The following BRF1 variants were observed in gnomAD, a reference collection of about 807,000 sequenced individuals.
The protein encoded by BRF1 is BRF1 general transcription factor IIIB subunit.
In BRF1, 59 loss-of-function variants were observed where a neutral mutation model predicts 81.7. The ratio of observed to expected loss-of-function variants is 0.72; its 90% confidence interval spans 0.59 to 0.90. BRF1 has a LOEUF of 0.90. Ranked by LOEUF, BRF1 falls within the 40% of genes least tolerant of loss-of-function variation. The pLI is 0.00. For synonymous variants in BRF1, 491 were observed against 395.6 expected (o/e 1.24, Z -2.86); for missense variants, 1,050 against 936.3 (o/e 1.12, Z -1.58).
chr14:105,299,878 A>G (rs1173701288), intron 1 of BRF1, among the ~76,000 whole-genome samples: 3 of 152,244 alleles, frequency 2.0e-5, no homozygotes, highest in African/African-American at 7.2e-5. Flanking sequence ...ATGAAAACGT[A>G]TGTTCACACA....
At chr14:105,220,181 G>A (rs758639896) in intron 11 of BRF1, 51 bp from the exon 12 acceptor site, 4 of 1,608,002 alleles carry the variant, frequency 2.5e-6, no homozygotes, top group East Asian at 2.2e-5. Context: ...CTGATTATAG[G>A]AGCGTGGCCA....
At chr14:105,255,380 G>A (rs1474427162) in intron 4 of BRF1, among the ~76,000 whole-genome samples, 2 of 152,246 alleles carry the variant, frequency 1.3e-5, no homozygotes. Flanking sequence ...AAAGACAGCT[G>A]GGAGGACAAG....
intron 1 of BRF1, among the ~76,000 whole-genome samples, chr14:105,297,797 C>A (rs2140554612): frequency 6.6e-6 from 1 of 152,062 alleles, no homozygotes; most frequent in African/African-American, 2.4e-5. Context: ...GAGATCGAAA[C>A]CATCCCGGCT....
At chr14:105,294,350 G>A (rs1052706072) in intron 1 of BRF1, among the ~76,000 whole-genome samples, 5 of 152,196 alleles carry the variant, frequency 3.3e-5, no homozygotes, top group East Asian at 1.9e-4. Flanking sequence ...GACAGCACCC[G>A]GGTGACAGAC....
intron 6 of BRF1, among the ~76,000 whole-genome samples, chr14:105,240,941 C>G (rs587775140): frequency 2.6e-5 from 4 of 152,314 alleles, no homozygotes; most frequent in African/African-American, 4.8e-5. Flanking sequence ...ACACCACTGT[C>G]CGCGTCAGAA....
chr14:105,226,415 G>T (rs1893101652), intron 8 of BRF1, 125 bp from the exon 9 acceptor site: 2 of 1,468,456 alleles, frequency 1.4e-6, no homozygotes, highest in Non-Finnish European at 1.9e-6. Flanking sequence ...AGCGATGGAG[G>T]TGGAGCTATG....
chr14:105,273,263 GC>G (rs2056737044), intron 2 of BRF1, among the ~76,000 whole-genome samples: 1 of 152,208 alleles, frequency 6.6e-6, no homozygotes, highest in Non-Finnish European at 1.5e-5. Flanking sequence ...CAGTGGGAAT[GC>G]CCCTTTTCCT....
chr14:105,227,969 C>G (rs368844490), intron 7 of BRF1: 3 of 152,242 alleles, frequency 2.0e-5, no homozygotes, highest in Admixed American at 2.0e-4. Flanking sequence ...TTGTCAAAGT[C>G]TATGAAACAG....
chr14:105,285,052 G>T lies in BRF1; in HGVS notation c.265+1244C>A, dbSNP rs143758797. ...AAATGGAAAGAAATCCTGTATTCAG[G>T]TATCAGAAGACTTTACACTGTTTAG... On this transcript the variant is annotated intron_variant, in intron 2 of 17. Coordinates refer to ENST00000547530, the MANE Select transcript of BRF1 (RefSeq NM_001519.4). Among the ~76,000 whole-genome samples, 433 of 152,276 alleles carry T rather than the reference G, an allele frequency of 2.8e-3. 3 individuals carry two copies. In the Middle Eastern group the frequency reaches 0.044, roughly 16 times the overall value.
At chr14:105,298,230 C>T (rs1482969455) in intron 1 of BRF1, among the ~76,000 whole-genome samples, 1 of 152,132 alleles carries the variant, frequency 6.6e-6, no homozygotes, top group Non-Finnish European at 1.5e-5. Context: ...GATGCACAAA[C>T]TTACTCTAAA....
chr14:105,216,265 C>T (rs587689434), intron 15 of BRF1, among the ~76,000 whole-genome samples: 1 of 152,320 alleles, frequency 6.6e-6, no homozygotes, highest in East Asian at 1.9e-4. Context: ...CAGAATCACC[C>T]AACTGGGACA....
rs1285887428 is a variant in BRF1 at position 105,300,534 on chromosome 14, C to T, written c.96G>A (p.Leu32=). ...CCTCGGACACGATGATGTTGTCCTC[C>T]AGCACTGAGCCGCAGGCGGTGCACA... The part of the protein sequence containing the change: ...DAVCTACGSV[L]EDNIIVSEVQ... The change falls in exon 1 of 18, where the codon CTG becomes CTA. Residue 32 remains leucine, a synonymous_variant. Coordinates refer to ENST00000547530, the MANE Select transcript of BRF1 (RefSeq NM_001519.4). The T allele has an allele frequency of 6.5e-7, 1 of 1,529,288 alleles. No individual in the cohort carries two copies. Among genetic ancestry groups the T allele is most frequent in the Non-Finnish European group, 8.8e-7 (1 of 1,141,344 alleles). 94.7% of individuals were successfully genotyped at this position (1,529,288 alleles called of 1,614,324 possible).
chr14:105,289,034 T>G (rs1280504057), intron 1 of BRF1, among the ~76,000 whole-genome samples: 1 of 96,428 alleles, frequency 1.0e-5, no homozygotes, highest in Non-Finnish European at 2.2e-5. Flanking sequence ...AGACCCTGTC[T>G]CAAAAAAAAA....
intron 2 of BRF1, among the ~76,000 whole-genome samples, chr14:105,282,904 G>C (rs1373488885): frequency 2.0e-5 from 3 of 152,288 alleles, no homozygotes; most frequent in Admixed American, 6.5e-5. Flanking sequence ...CTGCACTCCA[G>C]CCTGGGTGAC....
chr14:105,248,241 C>G, intron 5 of BRF1: 1 of 985,498 alleles, frequency 1.0e-6, no homozygotes, highest in Non-Finnish European at 1.2e-6. Flanking sequence ...CAACGACCAT[C>G]CCACAGGCCG....
At chr14:105,215,967 GCACA>G (rs1208305167) in intron 15 of BRF1, among the ~76,000 whole-genome samples, 1 of 76,114 alleles carries the variant, frequency 1.3e-5, no homozygotes, top group Admixed American at 1.6e-4. Context: ...ACACACACAT[GCACA>G]CACACTGCAT....
Position 105,241,285 on chromosome 14 carries a change from G to C in BRF1, c.674C>G (p.Pro225Arg). The C allele has an allele frequency of 6.2e-7, 1 of 1,612,164 alleles. No individual in the cohort carries two copies. The highest frequency in any genetic ancestry group is 8.5e-7 in the Non-Finnish European group (1 of 1,179,824). ...TGTACCTGCTCCGCAGAGGCCCGAG[G>C]GGCGCCGGCCTGTGTGCATCCAGTC... ...KRDWMHTGRR[P>R]SGLCGAALLV... Residue 225 changes from proline to arginine, a missense_variant, in exon 6 of 18, where the codon CCC (proline) becomes CGC (arginine). Pro to Arg is a moderately radical substitution (Grantham distance 103). Around this residue, in one of 2 missense-constraint regions of BRF1, gnomAD observed 1,043 missense variants for 915.4 expected, o/e 1.14. Transcript: ENST00000547530.
At chr14:105,289,975 G>A (rs587597272) in intron 1 of BRF1, among the ~76,000 whole-genome samples, 37 of 152,284 alleles carry the variant, frequency 2.4e-4, no homozygotes, top group African/African-American at 8.2e-4. Flanking sequence ...ACCATTCTGT[G>A]TAGCCCCTGG....
chr14:105,242,192 A>C (rs2054721913), intron 5 of BRF1: 1 of 152,322 alleles, frequency 6.6e-6, no homozygotes, highest in East Asian at 1.9e-4. Flanking sequence ...GAGGTGAAAG[A>C]TGTCCCATTT....
Sources: gnomAD v4.1 joint callset for allele counts (sites outside exome capture counted in the v4.1 genomes callset) on GRCh38, gnomAD v4.1.1 for gene constraint, gnomAD v4.1.1 regional missense constraint, MANE v1.5 for transcripts, NCBI Gene and HGNC (gene_info 2026-07-23, HGNC 2026-07-21) for gene names.